PRTFDC1: variants seen among roughly 807,000 people sequenced by gnomAD.
PRTFDC1 encodes the protein phosphoribosyltransferase domain-containing protein 1.
Under a neutral mutation model 34.6 loss-of-function variants are expected in PRTFDC1, and 38 were observed. The ratio of observed to expected loss-of-function variants is 1.10; its 90% CI spans 0.85 to 1.44. PRTFDC1 has a LOEUF of 1.44. Ranked by LOEUF, PRTFDC1 falls within the 40% of genes most tolerant of loss-of-function variation. PRTFDC1 has a pLI of 0.00. For synonymous variants in PRTFDC1, 93 were observed against 98.1 expected, an observed-to-expected ratio of 0.95 and a Z score of 0.31; for missense variants, 270 against 283.0, an observed-to-expected ratio of 0.95 and a Z score of 0.33.
intron 3 of PRTFDC1, among the ~76,000 whole-genome samples, chr10:24,876,050 C>T (rs1932422): frequency 0.85 from 128,434 of 151,860 alleles, 54,472 homozygotes; most frequent in African/African-American, 0.89. Context: ...TGTTTTAATA[C>T]TTGATAGGGC....
At chr10:24,872,272 G>A (rs527629054) in intron 3 of PRTFDC1, among the ~76,000 whole-genome samples, 129 of 152,184 alleles carry the variant, frequency 8.5e-4, no homozygotes, top group Non-Finnish European at 1.4e-3. Context: ...CTGGCAGGGA[G>A]AGGCTGGGTG....
At chr10:24,937,484 C>G in intron 2 of PRTFDC1, 117 bp from the exon 3 acceptor site, 1 of 920,644 alleles carries the variant, frequency 1.1e-6, no homozygotes, top group Non-Finnish European at 1.5e-6. Flanking sequence ...GTGGGGAAAA[C>G]CTTGGGAAAC....
At chr10:24,871,660 A>G (rs932725841) in intron 4 of PRTFDC1, among the ~76,000 whole-genome samples, 12 of 150,104 alleles carry the variant, frequency 8.0e-5, no homozygotes, top group African/African-American at 1.7e-4. Context: ...AAAAAAAAAA[A>G]GGCAGACGAA....
At chr10:24,917,039 T>G (rs1848706714) in intron 3 of PRTFDC1, among the ~76,000 whole-genome samples, 1 of 152,190 alleles carries the variant, frequency 6.6e-6, no homozygotes, top group African/African-American at 2.4e-5. Flanking sequence ...CCTTCCCCTT[T>G]GCCATCCTCA....
chr10:24,890,520 T>G (rs962553042), intron 3 of PRTFDC1, among the ~76,000 whole-genome samples: 46 of 152,164 alleles, frequency 3.0e-4, no homozygotes, highest in African/African-American at 1.1e-3. Context: ...TACTCTTCTC[T>G]CCCTCTGTCC....
intron 3 of PRTFDC1, among the ~76,000 whole-genome samples, chr10:24,906,177 T>G (rs77428528): frequency 6.6e-6 from 1 of 152,320 alleles, no homozygotes; most frequent in Admixed American, 6.5e-5. Flanking sequence ...TGGGCAACTA[T>G]AGACATTGCT....
intron 3 of PRTFDC1, among the ~76,000 whole-genome samples, chr10:24,873,068 C>T (rs1284477432): frequency 6.6e-6 from 1 of 151,968 alleles, no homozygotes; most frequent in Non-Finnish European, 1.5e-5. Context: ...CCAAGTGATT[C>T]TCCTGTCTTG....
At chr10:24,868,527 C>T (rs1847824197) in intron 4 of PRTFDC1, among the ~76,000 whole-genome samples, 1 of 152,174 alleles carries the variant, frequency 6.6e-6, no homozygotes, top group Non-Finnish European at 1.5e-5. Flanking sequence ...TCACTGCAGT[C>T]TCAACCTCCT....
At chr10:24,943,571 G>C (rs1379785958) in intron 1 of PRTFDC1, among the ~76,000 whole-genome samples, 3 of 144,656 alleles carry the variant, frequency 2.1e-5, no homozygotes, top group African/African-American at 7.7e-5. Context: ...CTCTCTCTGA[G>C]ACAGGGTCCC....
intron 7 of PRTFDC1, among the ~76,000 whole-genome samples, chr10:24,854,821 G>A (rs906196612): frequency 1.4e-4 from 21 of 152,134 alleles, no homozygotes; most frequent in Non-Finnish European, 2.4e-4. Context: ...CCTTCTGTGC[G>A]TTACAATTCA....
At chr10:24,918,104 A>G (rs1250745337) in intron 3 of PRTFDC1, among the ~76,000 whole-genome samples, 1 of 152,180 alleles carries the variant, frequency 6.6e-6, no homozygotes, top group Non-Finnish European at 1.5e-5. Context: ...GTGGAGGACC[A>G]GGGAGTCCCA....
rs1847617564 is a variant in PRTFDC1, at chr10:24,858,337, A to C, written c.423+55T>G. The C allele has an allele frequency of 4.4e-6, 7 of 1,576,942 alleles. No homozygotes were observed. The East Asian group carries it at 1.6e-4, about 35-fold the overall frequency. On this transcript the variant is annotated intron_variant, in intron 5 of 8. Coordinates refer to ENST00000320152, the MANE Select transcript of PRTFDC1 (RefSeq NM_020200.7). ...TTGATAACAAGGTTTACCGTTTAAA[A>C]CTCACCATTAGATTCTTTCAACCTC...
intron 1 of PRTFDC1, among the ~76,000 whole-genome samples, chr10:24,944,230 C>T (rs1030295997): frequency 3.9e-5 from 6 of 152,314 alleles, no homozygotes; most frequent in Non-Finnish European, 7.4e-5. Flanking sequence ...ATGCAGGATC[C>T]TTGAGAAGGC....
chr10:24,877,992 C>T (rs573575466), intron 3 of PRTFDC1, among the ~76,000 whole-genome samples: 1 of 152,106 alleles, frequency 6.6e-6, no homozygotes, highest in South Asian at 2.1e-4. Flanking sequence ...GAAACTTTCC[C>T]AAAGAGAGCT....
rs958404237 is a variant in PRTFDC1 at position 24,857,134 on chromosome 10, G to A, written c.424-139C>T. 3 of 738,736 alleles carry A rather than the reference G, an allele frequency of 4.1e-6. No homozygotes were observed. In the Admixed American group the frequency reaches 6.4e-5, roughly 16 times the overall value. 45.8% of individuals were successfully genotyped at this position (738,736 alleles called of 1,614,324 possible). On this transcript the variant is annotated intron_variant, in intron 5 of 8. Transcript: ENST00000320152. ...ATTTGGAGCCACAGTAGGAGGAAGA[G>A]TTGGTTATGTTTTATTTAGACAGGC...
At chr10:24,905,094 C>T (rs191897499) in intron 3 of PRTFDC1, among the ~76,000 whole-genome samples, 2 of 151,176 alleles carry the variant, frequency 1.3e-5, no homozygotes, top group African/African-American at 4.9e-5. Flanking sequence ...ATCACTTGAG[C>T]GCAGGAGTTT....
Position 24,880,823 on chromosome 10 carries a change from C to CTTTCTTTCTTTCT in PRTFDC1, c.340-8773_340-8761dup, listed in dbSNP as rs1320321659. ...CACTTTACTGTCTTTCTCTTTCTTT[C>CTTTCTTTCTTTCT]TTTCTTTCTTTCTTTCTTTCTTTCT... On this transcript the variant is annotated intron_variant, in intron 3 of 8. Transcript: ENST00000320152. 5.3e-3 allele frequency among the ~76,000 whole-genome samples: 598 copies of CTTTCTTTCTTTCT among 113,550 alleles called. 7 individuals carry two copies. Among genetic ancestry groups the CTTTCTTTCTTTCT allele is most frequent in the East Asian group, 0.02 (90 of 4,548 alleles). 74.5% of individuals were successfully genotyped at this position (113,550 alleles called of 152,430 possible).
At chr10:24,860,417 A>G (rs1847660109) in intron 4 of PRTFDC1, among the ~76,000 whole-genome samples, 1 of 152,136 alleles carries the variant, frequency 6.6e-6, no homozygotes, top group African/African-American at 2.4e-5. Context: ...AATACTACAC[A>G]TTCGATAACT....
chr10:24,853,172 G>A (rs1847518127), intron 7 of PRTFDC1, among the ~76,000 whole-genome samples: 1 of 152,042 alleles, frequency 6.6e-6, no homozygotes. Flanking sequence ...GAGAAAGAAG[G>A]AACAGAGATT....
Sources: gnomAD v4.1 joint callset for allele counts (sites outside exome capture counted in the v4.1 genomes callset) on GRCh38, gnomAD v4.1.1 for gene constraint, MANE v1.5 for transcripts, NCBI Gene and HGNC (gene_info 2026-07-23, HGNC 2026-07-21) for gene names.